SHISA9: variants seen among roughly 807,000 people sequenced by gnomAD.
The protein encoded by SHISA9 is shisa family member 9, also known as protein shisa-9.
In SHISA9, 13 loss-of-function variants were observed where a neutral mutation model predicts 38.0. The ratio of observed to expected loss-of-function variants is 0.34; its 90% confidence interval spans 0.22 to 0.54. SHISA9 has a LOEUF of 0.54. SHISA9 is among the 20% of genes least tolerant of loss of function. The probability of loss-of-function intolerance (pLI) is 0.91; values close to 1 mark genes in which losing one functional copy is unlikely to be tolerated. For synonymous variants in SHISA9, 275 were observed against 242.0 expected, an observed-to-expected ratio of 1.14 and a Z score of -1.27; for missense variants, 538 against 575.8, an observed-to-expected ratio of 0.93 and a Z score of 0.67.
intron 2 of SHISA9, among the ~76,000 whole-genome samples, chr16:12,986,248 T>C (rs924238939): frequency 1.1e-4 from 17 of 152,194 alleles, no homozygotes; most frequent in African/African-American, 3.6e-4. Flanking sequence ...ATACTTCCTT[T>C]TTTTCCTTTG....
the SHISA9 span, among the ~76,000 whole-genome samples, chr16:13,427,939 A>T: frequency 6.6e-6 from 1 of 152,218 alleles, no homozygotes; most frequent in Non-Finnish European, 1.5e-5. Flanking sequence ...TGTTTGATAA[A>T]TATTTAGAGC....
chr16:13,524,493 T>A, the SHISA9 span, among the ~76,000 whole-genome samples: 2 of 152,234 alleles, frequency 1.3e-5, no homozygotes, highest in African/African-American at 4.8e-5. Flanking sequence ...ACCACAGTGC[T>A]AATCAAGACA....
the SHISA9 span, among the ~76,000 whole-genome samples, chr16:13,268,423 C>T: frequency 1.3e-5 from 2 of 152,116 alleles, no homozygotes; most frequent in African/African-American, 2.4e-5. Context: ...GCAGGAGAAT[C>T]GCTTGAACCT....
chr16:12,997,671 G>A (rs1374045804), intron 2 of SHISA9, among the ~76,000 whole-genome samples: 1 of 152,090 alleles, frequency 6.6e-6, no homozygotes, highest in Non-Finnish European at 1.5e-5. Flanking sequence ...CTCCCAAAGT[G>A]CTGGGATTTC....
the SHISA9 span, among the ~76,000 whole-genome samples, chr16:13,561,825 G>T: frequency 6.6e-6 from 1 of 152,038 alleles, no homozygotes; most frequent in Non-Finnish European, 1.5e-5. Flanking sequence ...GAAAAGAGGT[G>T]CCAGATAATG....
intron 2 of SHISA9, among the ~76,000 whole-genome samples, chr16:13,058,918 A>T (rs1318830321): frequency 6.6e-6 from 1 of 152,038 alleles, no homozygotes; most frequent in Non-Finnish European, 1.5e-5. Flanking sequence ...TTTGGCCAAG[A>T]CACGTGATGA....
chr16:13,428,773 G>GTTTTT, the SHISA9 span, among the ~76,000 whole-genome samples: 5 of 145,348 alleles, frequency 3.4e-5, no homozygotes, highest in Non-Finnish European at 4.5e-5. Context: ...TTGTTTTATT[G>GTTTTT]TTTTTTTTTT....
intron 2 of SHISA9, among the ~76,000 whole-genome samples, chr16:12,952,051 AT>A (rs559163454): frequency 2.0e-5 from 3 of 151,670 alleles, no homozygotes; most frequent in Non-Finnish European, 2.9e-5. Flanking sequence ...GACTTAAATG[AT>A]TTTTTTTTGT....
intron 2 of SHISA9, among the ~76,000 whole-genome samples, chr16:13,153,592 G>A (rs1277740836): frequency 6.6e-6 from 1 of 152,094 alleles, no homozygotes; most frequent in African/African-American, 2.4e-5. Context: ...CTCCCACAGG[G>A]TCTTCAGAAA....
the SHISA9 span, among the ~76,000 whole-genome samples, chr16:13,258,037 G>C: frequency 6.6e-6 from 1 of 152,264 alleles, no homozygotes; most frequent in East Asian, 1.9e-4. Context: ...TTAATTTCAA[G>C]TGGCTGAAAT....
At chr16:13,471,920 T>G in the SHISA9 span, among the ~76,000 whole-genome samples, 2 of 152,186 alleles carry the variant, frequency 1.3e-5, no homozygotes, top group South Asian at 2.1e-4. Flanking sequence ...CCTGTTCTTC[T>G]TAGTGTAACT....
the SHISA9 span, among the ~76,000 whole-genome samples, chr16:13,367,743 CACACA>C: frequency 6.7e-3 from 1,008 of 149,420 alleles, 16 homozygotes; most frequent in African/African-American, 0.024. Flanking sequence ...CACACACACA[CACACA>C]CCCCTGAATT....
intron 2 of SHISA9, among the ~76,000 whole-genome samples, chr16:13,172,885 C>T (rs570213868): frequency 6.6e-6 from 1 of 151,892 alleles, no homozygotes; most frequent in South Asian, 2.1e-4. Context: ...CACCTAATTA[C>T]TTTTCTTCTG....
chr16:13,428,773 G>GTTTTTTT, the SHISA9 span, among the ~76,000 whole-genome samples: 2 of 145,328 alleles, frequency 1.4e-5, no homozygotes. Context: ...TTGTTTTATT[G>GTTTTTTT]TTTTTTTTTT....
chr16:13,414,069 G>A, the SHISA9 span, among the ~76,000 whole-genome samples: 1 of 152,054 alleles, frequency 6.6e-6, no homozygotes, highest in Non-Finnish European at 1.5e-5. Context: ...TCCTTCTGAT[G>A]GTCTTTTCCC....
the SHISA9 span, among the ~76,000 whole-genome samples, chr16:13,411,849 A>G: frequency 6.6e-6 from 1 of 152,218 alleles, no homozygotes; most frequent in African/African-American, 2.4e-5. Flanking sequence ...CTCAGGGGTT[A>G]TTTGCTACCA....
chr16:13,426,521 A>G, the SHISA9 span, among the ~76,000 whole-genome samples: 8 of 152,150 alleles, frequency 5.3e-5, no homozygotes, highest in Admixed American at 2.6e-4. Flanking sequence ...TTTATGGCCC[A>G]CCTCATAGAG....
intron 2 of SHISA9, among the ~76,000 whole-genome samples, chr16:13,064,445 C>T (rs1032988467): frequency 1.3e-5 from 2 of 151,984 alleles, no homozygotes; most frequent in African/African-American, 2.4e-5. Context: ...CACATGTTCC[C>T]CTTGAGCCTA....
At chr16:13,312,306 A>G in the SHISA9 span, among the ~76,000 whole-genome samples, 1 of 152,220 alleles carries the variant, frequency 6.6e-6, no homozygotes, top group Non-Finnish European at 1.5e-5. Context: ...TGGCCCATGG[A>G]CAGTAGTTTG....
Sources: allele counts gnomAD v4.1 joint callset (sites outside exome capture counted in the v4.1 genomes callset), GRCh38; gene constraint gnomAD v4.1.1; transcripts MANE v1.5; gene names NCBI Gene and HGNC (gene_info 2026-07-23, HGNC 2026-07-21).